FUS: variants seen among roughly 807,000 people sequenced by gnomAD.
FUS encodes FUS RNA binding protein, also known as RNA-binding protein FUS.
FUS carries 5 observed loss-of-function variants against 82.7 expected under a neutral mutation model. The observed-to-expected ratio is 0.06, with a 90% CI of 0.03 to 0.13. The LOEUF (loss-of-function observed/expected upper bound fraction) is 0.13, where lower values mean the gene tolerates loss of function less well. Ranked by LOEUF, FUS falls within the 10% of genes least tolerant of loss-of-function variation. The pLI is 1.00. For synonymous variants in FUS, 281 were observed against 247.4 expected, an observed-to-expected ratio of 1.14 and a Z score of -1.27; for missense variants, 512 against 707.8, an observed-to-expected ratio of 0.72 and a Z score of 3.14.
chr16:31,193,018 A>G (rs886051946), downstream of FUS: 21 of 484,550 alleles, frequency 4.3e-5, no homozygotes, highest in Non-Finnish European at 6.5e-5. Flanking sequence ...CTGGAGTGCA[A>G]TGGCACGTTT....
intron 1 of FUS, 128 bp from the exon 2 acceptor site, chr16:31,182,270 C>T: frequency 1.8e-6 from 2 of 1,109,310 alleles, no homozygotes; most frequent in Non-Finnish European, 2.8e-6. Flanking sequence ...GGATTACAGG[C>T]ATGATCCACC....
chr16:31,189,953 A>G (rs2079328291), intron 10 of FUS, 87 bp from the exon 11 acceptor site: 1 of 1,556,740 alleles, frequency 6.4e-7, no homozygotes, highest in East Asian at 2.3e-5. Flanking sequence ...CAGATTATAA[A>G]CCATTTGAGA....
In FUS at chr16:31,180,170, T is replaced by C. The variant is rs777968096; in HGVS notation, c.-45T>C. The C allele has an allele frequency of 3.7e-6, 6 of 1,604,614 alleles. No homozygotes were observed. The highest frequency in any genetic ancestry group is 2.7e-5 in the African/African-American group (2 of 74,898). On this transcript the variant is annotated 5_prime_UTR_variant, in exon 1 of 15. Transcript: ENST00000254108. ...TCCTCCAGGCGTCGGTACTCAGCGG[T>C]GTTGGAACTTCGTTGCTTGCTTGCC...
At chr16:31,191,789 T>A (rs1268701227), downstream of FUS, 1 of 587,014 alleles carries the variant, frequency 1.7e-6, no homozygotes, top group Admixed American at 2.1e-5. Flanking sequence ...AGTTGGTGTA[T>A]AAATGAGAAA....
At chr16:31,183,546 T>TA in intron 3 of FUS, 1 of 406,880 alleles carries the variant, frequency 2.5e-6, no homozygotes, top group Non-Finnish European at 4.6e-6. Context: ...GTCCTGTAGA[T>TA]ACTGCACGCA....
At chr16:31,192,587 G>A (rs189016242), downstream of FUS, 23 of 491,988 alleles carry the variant, frequency 4.7e-5, no homozygotes, top group East Asian at 9.4e-4. Context: ...TAGAGACAGA[G>A]TCTTGCTCTG....
At chr16:31,185,420 C>T (rs2079253634) in intron 6 of FUS, 1 of 616,692 alleles carries the variant, frequency 1.6e-6, no homozygotes, top group South Asian at 1.8e-5. Context: ...TACTTGTTTC[C>T]AAAAAAAAAG....
At chr16:31,185,722 C>A (rs1344008301) in intron 6 of FUS, 1 of 391,748 alleles carries the variant, frequency 2.6e-6, no homozygotes, top group East Asian at 4.9e-5. Flanking sequence ...GTTTATGGGG[C>A]CAGCTGACTG....
intron 1 of FUS, among the ~76,000 whole-genome samples, chr16:31,180,774 C>T (rs1191534997): frequency 6.6e-6 from 1 of 152,218 alleles, no homozygotes; most frequent in Non-Finnish European, 1.5e-5. Flanking sequence ...GGGATCGCTC[C>T]GTTCCCGCCT....
rs780887876 is a variant in FUS at position 31,182,648 on chromosome 16, T to C, written c.174T>C (p.Tyr58=). 7.4e-6 allele frequency: 12 copies of C among 1,614,122 alleles called. No homozygotes were observed. The highest frequency in any genetic ancestry group is 2.2e-5 in the East Asian group (1 of 44,898). The change falls in exon 3 of 15, where the codon TAT becomes TAC. Residue 58 remains tyrosine (Y), a synonymous_variant. Transcript: ENST00000254108. The part of the protein sequence containing the change: ...SGYGQSSYSS[Y]GQSQNTGYGT... ...ATGGCCAGAGCAGCTATTCTTCTTATGGCCAGAGCCAGAACAGTGAGTCTT... is the reference window on the plus strand; with the variant it reads ...ATGGCCAGAGCAGCTATTCTTCTTACGGCCAGAGCCAGAACAGTGAGTCTT...
chr16:31,188,288 T>C (rs770485442), intron 7 of FUS, 37 bp from the exon 8 acceptor site: 8 of 1,603,230 alleles, frequency 5.0e-6, no homozygotes, highest in South Asian at 3.3e-5. Flanking sequence ...TCCTTGTTTT[T>C]GTTTTTTTTT....
intron 1 of FUS, among the ~76,000 whole-genome samples, chr16:31,181,256 C>T (rs549360024): frequency 3.9e-5 from 6 of 152,334 alleles, no homozygotes; most frequent in Non-Finnish European, 5.9e-5. Context: ...GAAGAACGGC[C>T]GCCCGAGGCC....
intron 8 of FUS, chr16:31,188,697 A>C (rs573150288): frequency 2.0e-6 from 1 of 487,806 alleles, no homozygotes; most frequent in East Asian, 3.5e-5. Context: ...GTTGGTGAAC[A>C]AAACTAGTGA....
Position 31,182,642 on chromosome 16 carries a change from T to C in FUS, c.168T>C (p.Ser56=), listed in dbSNP as rs1327576762. The C allele has an allele frequency of 1.9e-6, 3 of 1,614,152 alleles. No individual in the cohort carries two copies. The highest frequency in any genetic ancestry group is 2.5e-6 in the Non-Finnish European group (3 of 1,179,970). ...DTSGYGQSSY[S]SYGQSQNTGY... is the part of the protein sequence containing the mutation. Reference sequence around the variant, plus strand: ...CAGGCTATGGCCAGAGCAGCTATTCTTCTTATGGCCAGAGCCAGAACAGTG... The same window carrying C: ...CAGGCTATGGCCAGAGCAGCTATTCCTCTTATGGCCAGAGCCAGAACAGTG... The change falls in exon 3 of 15, where the codon TCT becomes TCC. Residue 56 remains serine, a synonymous_variant. Coordinates refer to ENST00000254108, the MANE Select transcript of FUS (RefSeq NM_004960.4).
At chr16:31,182,942 C>G (rs1247341965) in intron 3 of FUS, 2 of 434,914 alleles carry the variant, frequency 4.6e-6, no homozygotes, top group Non-Finnish European at 8.6e-6. Context: ...TCTGGAACTC[C>G]TGACCTCCTG....
intron 1 of FUS, among the ~76,000 whole-genome samples, chr16:31,181,145 C>G (rs1041150404): frequency 6.6e-6 from 1 of 152,150 alleles, no homozygotes; most frequent in East Asian, 1.9e-4. Flanking sequence ...GAACTGCTGA[C>G]CTCAGGTGAT....
chr16:31,193,055 T>G (rs897041308), downstream of FUS: 4 of 484,430 alleles, frequency 8.3e-6, no homozygotes, highest in African/African-American at 7.8e-5. Context: ...TGCCGCCTCC[T>G]GGGTTCAAGC....
intron 3 of FUS, 81 bp from the exon 4 acceptor site, chr16:31,183,777 G>T (rs770744516): frequency 3.9e-6 from 6 of 1,539,940 alleles, no homozygotes. Context: ...ATGAGTATAG[G>T]TATTATGTTT....
At chr16:31,192,340 C>T (rs2079373323), downstream of FUS, 4 of 526,304 alleles carry the variant, frequency 7.6e-6, no homozygotes, top group Non-Finnish European at 1.5e-5. Context: ...TAGAGCAGTG[C>T]TCCTCAGCCT....
Sources: gnomAD v4.1 joint callset for allele counts (sites outside exome capture counted in the v4.1 genomes callset) on GRCh38, gnomAD v4.1.1 for gene constraint, MANE v1.5 for transcripts, NCBI Gene and HGNC (gene_info 2026-07-23, HGNC 2026-07-21) for gene names.